LRRC38: variants seen among roughly 807,000 people sequenced by gnomAD.
LRRC38 encodes leucine-rich repeat-containing protein 38.
Under a neutral mutation model 16.4 loss-of-function variants are expected in LRRC38, and 5 were observed. The ratio of observed to expected loss-of-function variants is 0.31; its 90% CI spans 0.16 to 0.64. The LOEUF (loss-of-function observed/expected upper bound fraction) is 0.64, where lower values mean the gene tolerates loss of function less well. Among genes scored for constraint, LRRC38 ranks in the 30% least tolerant of loss-of-function variants. The probability of loss-of-function intolerance (pLI) is 0.80; values close to 1 mark genes in which losing one functional copy is unlikely to be tolerated. For missense variants in LRRC38, 341 were observed against 401.8 expected, an observed-to-expected ratio of 0.85 and a Z score of 1.29; for synonymous variants, 191 against 190.2, an observed-to-expected ratio of 1.00 and a Z score of -0.04.
At chr1:13,494,132 GC>G (rs1216285901) in intron 1 of LRRC38, among the ~76,000 whole-genome samples, 1 of 152,210 alleles carries the variant, frequency 6.6e-6, no homozygotes. Flanking sequence ...GTCATTTTAA[GC>G]CCCTACAACA....
At chr1:13,481,389 T>TA (rs1638853467) in intron 1 of LRRC38, among the ~76,000 whole-genome samples, 2 of 130,334 alleles carry the variant, frequency 1.5e-5, no homozygotes, top group Admixed American at 8.2e-5. Context: ...TTTTTTATTT[T>TA]TTTTTTTTTG....
rs75659450 is a variant in LRRC38 at position 13,511,285 on chromosome 1, T to C, written c.631+1678A>G. 8.2e-3 allele frequency among the ~76,000 whole-genome samples: 1,255 copies of C among 152,218 alleles called. 15 individuals are homozygous for C. Among genetic ancestry groups the C allele is most frequent in the African/African-American group, 0.029 (1,184 of 41,528 alleles). On this transcript the variant is annotated intron_variant, in intron 1 of 1. Transcript: ENST00000376085. ...AGCATTACCCATGTCTTGATTTCAC[T>C]CAAGGGAAAGGTGAAGCTTAAAAAA...
intron 1 of LRRC38, among the ~76,000 whole-genome samples, chr1:13,503,419 C>T (rs138079006): frequency 0.011 from 1,669 of 152,238 alleles, 32 homozygotes; most frequent in African/African-American, 0.038. Context: ...CAGGCATGCT[C>T]CACCATGCCT....
At chr1:13,512,940 C>CCCCCCCCCCCA in intron 1 of LRRC38, 23 bp downstream of exon 1, 1 of 1,519,788 alleles carries the variant, frequency 6.6e-7, no homozygotes, top group Non-Finnish European at 8.9e-7. Context: ...CCTCCCTCCC[C>CCCCCCCCCCCA]CAGCCTAGCC....
chr1:13,501,435 A>C (rs1346802439), intron 1 of LRRC38, among the ~76,000 whole-genome samples: 1 of 151,470 alleles, frequency 6.6e-6, no homozygotes, highest in Non-Finnish European at 1.5e-5. Context: ...TTGAGACGGA[A>C]TCTCACTCTG....
intron 1 of LRRC38, among the ~76,000 whole-genome samples, chr1:13,484,364 C>T (rs1638906892): frequency 6.6e-6 from 1 of 152,094 alleles, no homozygotes; most frequent in Non-Finnish European, 1.5e-5. Context: ...ACTCCCATGT[C>T]GGCTATGTGA....
intron 1 of LRRC38, among the ~76,000 whole-genome samples, chr1:13,498,183 G>A (rs1235858187): frequency 3.9e-5 from 6 of 151,958 alleles, no homozygotes; most frequent in Non-Finnish European, 7.4e-5. Flanking sequence ...GAAGTCAGGG[G>A]AGAGGAGCCT....
intron 1 of LRRC38, among the ~76,000 whole-genome samples, chr1:13,485,644 C>A (rs1323082412): frequency 1.3e-5 from 2 of 152,028 alleles, no homozygotes; most frequent in African/African-American, 2.4e-5. Context: ...TACGATTATG[C>A]CAAAGCTGCA....
At chr1:13,507,096 G>A (rs1271671312) in intron 1 of LRRC38, among the ~76,000 whole-genome samples, 1 of 152,160 alleles carries the variant, frequency 6.6e-6, no homozygotes, top group Non-Finnish European at 1.5e-5. Flanking sequence ...TGGTTTTTGG[G>A]GCCAGAGTAG....
intron 1 of LRRC38, among the ~76,000 whole-genome samples, chr1:13,503,041 G>A (rs933907495): frequency 5.3e-5 from 8 of 152,112 alleles, no homozygotes; most frequent in South Asian, 4.1e-4. Context: ...TGGGGTGGTG[G>A]GACATTTGCC....
chr1:13,511,186 C>T (rs527335830), intron 1 of LRRC38, among the ~76,000 whole-genome samples: 19 of 152,314 alleles, frequency 1.2e-4, no homozygotes, highest in African/African-American at 4.3e-4. Flanking sequence ...GAACATTTCA[C>T]TTCCATTGCT....
chr1:13,499,143 C>A (rs1639117344), intron 1 of LRRC38, among the ~76,000 whole-genome samples: 1 of 152,186 alleles, frequency 6.6e-6, no homozygotes, highest in African/African-American at 2.4e-5. Context: ...ATCACCCAGG[C>A]TGGAGTACAG....
At chr1:13,512,936 T>TC in intron 1 of LRRC38, 27 bp downstream of exon 1, 2 of 442,414 alleles carry the variant, frequency 4.5e-6, no homozygotes. Context: ...CCTCCCTCCC[T>TC]CCCCCAGCCT....
intron 1 of LRRC38, among the ~76,000 whole-genome samples, chr1:13,495,284 G>A (rs576373394): frequency 1.3e-5 from 2 of 152,304 alleles, no homozygotes; most frequent in South Asian, 4.1e-4. Context: ...TGGCTCAAGG[G>A]GAGCTGAACA....
intron 1 of LRRC38, among the ~76,000 whole-genome samples, chr1:13,504,699 G>A (rs972410877): frequency 2.2e-5 from 3 of 134,228 alleles, no homozygotes; most frequent in Non-Finnish European, 3.2e-5. Context: ...CTCCAGCCTC[G>A]GTGACAGAGT....
rs932031011 is a variant in LRRC38 at position 13,475,626 on chromosome 1, A to G, written c.*220T>C. 13 of 572,806 alleles carry G rather than the reference A, an allele frequency of 2.3e-5. No homozygotes were observed. In the African/African-American group the frequency reaches 2.4e-4, roughly 11 times the overall value. The allele number at this position is 572,806 out of a possible 1,614,324, so 35.5% of individuals were successfully genotyped here. A position where few individuals can be genotyped will look rare whatever the true frequency, so the allele number is the denominator to read the frequency against. On this transcript the variant is annotated 3_prime_UTR_variant, in exon 2 of 2. Coordinates refer to ENST00000376085, the MANE Select transcript of LRRC38 (RefSeq NM_001010847.2). This position sits in a 1 kb window ranked among gnomAD's most constrained non-coding sequence, Gnocchi z 4.3. ...TCTGAGAGGCAGGTTATGCTCCAGGAATAATTCCCTCCATCCTTCCTGGGC... is the reference window on the plus strand; with the variant it reads ...TCTGAGAGGCAGGTTATGCTCCAGGGATAATTCCCTCCATCCTTCCTGGGC...
chr1:13,495,895 A>G (rs1639074515), intron 1 of LRRC38, among the ~76,000 whole-genome samples: 1 of 152,180 alleles, frequency 6.6e-6, no homozygotes, highest in Non-Finnish European at 1.5e-5. Flanking sequence ...AGGTGCCTGC[A>G]GACAGGCACT....
At chr1:13,501,351 T>G (rs867471858) in intron 1 of LRRC38, among the ~76,000 whole-genome samples, 1 of 152,174 alleles carries the variant, frequency 6.6e-6, no homozygotes, top group Non-Finnish European at 1.5e-5. Context: ...AAATCTTTAC[T>G]GTCTGCTTAA....
intron 1 of LRRC38, among the ~76,000 whole-genome samples, chr1:13,504,264 G>C (rs560396797): frequency 2.6e-5 from 4 of 152,166 alleles, no homozygotes; most frequent in Admixed American, 2.6e-4. Flanking sequence ...GAACATCAGG[G>C]GACTTATCTG....
Sources: allele counts gnomAD v4.1 joint callset (sites outside exome capture counted in the v4.1 genomes callset), GRCh38; gene constraint gnomAD v4.1.1; non-coding constraint Gnocchi (gnomAD v3.1); transcripts MANE v1.5; gene names NCBI Gene and HGNC (gene_info 2026-07-23, HGNC 2026-07-21).